Variants in HPSE2 observed in about 807,000 individuals in gnomAD.
HPSE2 encodes the protein inactive heparanase-2.
A neutral mutation model predicts 60.5 loss-of-function variants in HPSE2; 38 were observed. The ratio of observed to expected loss-of-function variants is 0.63; its 90% CI spans 0.48 to 0.82. The LOEUF (loss-of-function observed/expected upper bound fraction) is 0.82, where lower values mean the gene tolerates loss of function less well. HPSE2 is among the 40% of genes least tolerant of loss of function. The pLI is 0.00. For missense variants in HPSE2, 713 were observed against 740.4 expected (o/e 0.96, Z 0.43); for synonymous variants, 295 against 293.2 (o/e 1.01, Z -0.06).
chr10:99,286,191 T>C, the HPSE2 span, among the ~76,000 whole-genome samples: 1 of 152,070 alleles, frequency 6.6e-6, no homozygotes, highest in African/African-American at 2.4e-5. Flanking sequence ...AACGTGGAAT[T>C]ACCAACAATA....
chr10:99,163,326 T>C (rs755097694), intron 2 of HPSE2, among the ~76,000 whole-genome samples: 10 of 152,176 alleles, frequency 6.6e-5, no homozygotes, highest in Non-Finnish European at 1.0e-4. Context: ...TTTGATAACA[T>C]TTTGCCATAT....
chr10:98,905,640 A>C (rs535997918), intron 3 of HPSE2, among the ~76,000 whole-genome samples: 1 of 152,200 alleles, frequency 6.6e-6, no homozygotes, highest in South Asian at 2.1e-4. Context: ...TGGTTATAAA[A>C]TTTTTCTCAA....
chr10:99,197,567 C>T (rs932711971), intron 2 of HPSE2, among the ~76,000 whole-genome samples: 53 of 152,144 alleles, frequency 3.5e-4, no homozygotes, highest in African/African-American at 1.2e-3. Context: ...GAATGAGTAT[C>T]CACCTGACAG....
intron 3 of HPSE2, among the ~76,000 whole-genome samples, chr10:98,941,033 A>G (rs1297171374): frequency 2.3e-5 from 3 of 133,156 alleles, no homozygotes; most frequent in Non-Finnish European, 4.6e-5. Flanking sequence ...AAATTCAACA[A>G]CCCTTCATGC....
chr10:99,149,292 G>C (rs1036435702), intron 2 of HPSE2, among the ~76,000 whole-genome samples: 1 of 152,136 alleles, frequency 6.6e-6, no homozygotes, highest in Non-Finnish European at 1.5e-5. Flanking sequence ...TATTCAAGCA[G>C]AGAATGGGTG....
At chr10:99,138,788 T>C (rs927995393) in intron 3 of HPSE2, among the ~76,000 whole-genome samples, 4 of 152,164 alleles carry the variant, frequency 2.6e-5, no homozygotes, top group Admixed American at 1.3e-4. Context: ...AAATACCTAA[T>C]GTAGGTGACA....
chr10:98,944,060 ACCAAAATCC>A (rs1955105277), intron 3 of HPSE2, among the ~76,000 whole-genome samples: 1 of 152,210 alleles, frequency 6.6e-6, no homozygotes, highest in African/African-American at 2.4e-5. Context: ...AGGGTTGAGG[ACCAAAATCC>A]CAGAGAGGGA....
intron 2 of HPSE2, among the ~76,000 whole-genome samples, chr10:99,183,295 T>C (rs959843520): frequency 5.3e-5 from 8 of 152,118 alleles, no homozygotes; most frequent in African/African-American, 1.9e-4. Flanking sequence ...GGTTCCCTGA[T>C]GGTATTTAGG....
At chr10:98,618,491 G>C (rs1489621070) in intron 8 of HPSE2, among the ~76,000 whole-genome samples, 1 of 152,044 alleles carries the variant, frequency 6.6e-6, no homozygotes, top group East Asian at 1.9e-4. Flanking sequence ...ATTCCAAGGG[G>C]GTCCCTGCAG....
intron 3 of HPSE2, among the ~76,000 whole-genome samples, chr10:98,824,613 T>G (rs1951500338): frequency 6.6e-6 from 1 of 152,222 alleles, no homozygotes; most frequent in Admixed American, 6.5e-5. Context: ...TCTTTTATGG[T>G]TCTATAACCT....
intron 3 of HPSE2, among the ~76,000 whole-genome samples, chr10:99,094,530 A>ATTT: frequency 5.9e-5 from 1 of 16,812 alleles, no homozygotes; most frequent in African/African-American, 1.5e-4. Flanking sequence ...ATATATATAT[A>ATTT]TATATATATA....
chr10:99,279,933 A>C, the HPSE2 span, among the ~76,000 whole-genome samples: 1 of 152,188 alleles, frequency 6.6e-6, no homozygotes, highest in Non-Finnish European at 1.5e-5. Context: ...TTTTAAGTTG[A>C]TGTCAGAGGA....
intron 3 of HPSE2, among the ~76,000 whole-genome samples, chr10:99,072,925 C>T (rs999981625): frequency 9.5e-5 from 6 of 63,290 alleles, no homozygotes; most frequent in African/African-American, 4.9e-4. Context: ...CAGGCTCCGT[C>T]TCAAAAAAAA....
intron 10 of HPSE2, among the ~76,000 whole-genome samples, chr10:98,488,993 A>G (rs955088003): frequency 3.2e-4 from 48 of 152,300 alleles, no homozygotes; most frequent in Admixed American, 2.5e-3. Flanking sequence ...TCATCAAGGA[A>G]GCAGAAGGAG....
At chr10:99,292,832 C>T in the HPSE2 span, among the ~76,000 whole-genome samples, 1 of 152,164 alleles carries the variant, frequency 6.6e-6, no homozygotes, top group East Asian at 1.9e-4. Context: ...TCACAAACCA[C>T]ATGTGAGCTA....
At chr10:98,978,922 T>C (rs1258186740) in intron 3 of HPSE2, among the ~76,000 whole-genome samples, 3 of 152,226 alleles carry the variant, frequency 2.0e-5, no homozygotes, top group Admixed American at 6.5e-5. Flanking sequence ...TCGCTGGACA[T>C]GCATGTTCCC....
rs758768598 is a variant in HPSE2, at chr10:98,482,800, A to C, written c.1467-18T>G. 6.2e-7 allele frequency: 1 copy of C among 1,613,998 alleles called. No homozygotes were observed. The highest frequency in any genetic ancestry group is 8.5e-7 in the Non-Finnish European group (1 of 1,179,846). ...AGTTGTGGCTGAGATCCAGAGAAAG[A>C]GAGAAGTGAAAGATGGAAACAAAGT... On this transcript the variant is annotated intron_variant, in intron 10 of 11. Coordinates refer to ENST00000370552, the MANE Select transcript of HPSE2 (RefSeq NM_021828.5).
chr10:99,147,262 A>G (rs975139472), intron 2 of HPSE2, among the ~76,000 whole-genome samples: 2 of 152,234 alleles, frequency 1.3e-5, no homozygotes, highest in Non-Finnish European at 2.9e-5. Flanking sequence ...GTAGAATTAC[A>G]TTAAACAATA....
chr10:98,790,814 T>G (rs1457188269), intron 3 of HPSE2, among the ~76,000 whole-genome samples: 1 of 152,112 alleles, frequency 6.6e-6, no homozygotes, highest in African/African-American at 2.4e-5. Flanking sequence ...AAAAATAATG[T>G]GATATAAAAT....
Sources: allele counts gnomAD v4.1 joint callset (sites outside exome capture counted in the v4.1 genomes callset), GRCh38; gene constraint gnomAD v4.1.1; transcripts MANE v1.5; gene names NCBI Gene and HGNC (gene_info 2026-07-23, HGNC 2026-07-21).